Variants in SGCG observed in about 807,000 individuals in gnomAD.
SGCG encodes the protein gamma-sarcoglycan.
Under a neutral mutation model 29.3 loss-of-function variants are expected in SGCG, and 26 were observed. That is an observed-to-expected ratio of 0.89 (90% CI 0.65 to 1.23). The LOEUF (loss-of-function observed/expected upper bound fraction) is 1.23. Ranked by LOEUF, SGCG falls within the 50% of genes most tolerant of loss-of-function variation. The pLI is 0.00. For synonymous variants in SGCG, 145 were observed against 129.7 expected, an observed-to-expected ratio of 1.12 and a Z score of -0.80; for missense variants, 353 against 356.0, an observed-to-expected ratio of 0.99 and a Z score of 0.07.
rs565786786 is a variant in SGCG at position 23,197,854 on chromosome 13, G to C, written c.1-5841G>C. Among the ~76,000 whole-genome samples the C allele has an allele frequency of 2.6e-5, 4 of 152,050 alleles. No homozygotes were observed. The East Asian group carries it at 7.7e-4, about 29-fold the overall frequency. ...ACAAGTTCAATTGAAAACAGACACT[G>C]ACTCATGAACAGAATAAATTAATTC... On this transcript the variant is annotated intron_variant, in intron 1 of 7. Coordinates refer to ENST00000218867, the MANE Select transcript of SGCG (RefSeq NM_000231.3).
At chr13:23,299,673 T>G (rs967027341) in intron 6 of SGCG, among the ~76,000 whole-genome samples, 2 of 151,074 alleles carry the variant, frequency 1.3e-5, no homozygotes, top group Non-Finnish European at 3.0e-5. Flanking sequence ...AGGATGGTCT[T>G]GACCTCCTGA....
rs1201880104 is a variant in SGCG at position 23,250,680 on chromosome 13, C to T, written c.348C>T (p.Arg116=). The T allele has an allele frequency of 6.8e-6, 11 of 1,612,528 alleles. No individual in the cohort carries two copies. The South Asian group carries it at 9.9e-5, about 14-fold the overall frequency. Residue 116 remains arginine (R), a synonymous_variant, in exon 4 of 8, where the codon CGC becomes CGT. Transcript: ENST00000218867. ...CCCAGAATGTGACTGTAAATGCGCG[C>T]AACTCAGAAGGGGAGGTCACAGGCA... ...QSTQNVTVNA[R]NSEGEVTGRL...
chr13:23,250,684 T>C lies in SGCG; in HGVS notation c.352T>C (p.Ser118Pro), dbSNP rs766126721. 2.5e-6 allele frequency: 4 copies of C among 1,612,132 alleles called. No individual in the cohort carries two copies. The African/African-American group carries it at 5.3e-5, about 22-fold the overall frequency. Residue 118 changes from serine to proline, a missense_variant, in exon 4 of 8, where the codon TCA (serine) becomes CCA (proline). Physicochemically the swap from Ser to Pro is moderately conservative, Grantham distance 74 (BLOSUM62 -1). Coordinates refer to ENST00000218867, the MANE Select transcript of SGCG (RefSeq NM_000231.3). ...TQNVTVNARN[S>P]EGEVTGRLKV... is the part of the protein sequence containing the mutation. ...GAATGTGACTGTAAATGCGCGCAAC[T>C]CAGAAGGGGAGGTCACAGGCAGGTT...
chr13:23,199,107 C>CA (rs35004017), intron 1 of SGCG, among the ~76,000 whole-genome samples: 33,086 of 137,392 alleles, frequency 0.24, 3,833 homozygotes, highest in African/African-American at 0.3. Flanking sequence ...GACTCCGTCT[C>CA]AAAAAAAAAA....
upstream of SGCG, chr13:23,180,939 T>C (rs1015017073): frequency 1.3e-5 from 2 of 152,236 alleles, no homozygotes; most frequent in African/African-American, 2.4e-5. Context: ...TGAGAGCCCT[T>C]TCTCCAGGGA....
chr13:23,194,596 A>C (rs1877411595), intron 1 of SGCG, among the ~76,000 whole-genome samples: 1 of 152,204 alleles, frequency 6.6e-6, no homozygotes, highest in Non-Finnish European at 1.5e-5. Flanking sequence ...TTCTGATAGC[A>C]GAGGCCAGCT....
upstream of SGCG, among the ~76,000 whole-genome samples, chr13:23,177,907 T>C (rs1876612206): frequency 6.6e-6 from 1 of 152,032 alleles, no homozygotes; most frequent in Non-Finnish European, 1.5e-5. Context: ...AGTTAAATTA[T>C]AGTTCATCAG....
intron 1 of SGCG, among the ~76,000 whole-genome samples, chr13:23,188,949 G>A (rs575868886): frequency 2.6e-5 from 4 of 152,246 alleles, no homozygotes; most frequent in Admixed American, 2.0e-4. Flanking sequence ...CATTCTTTAC[G>A]ATACCTCTGG....
chr13:23,204,440 G>A (rs1041271387), intron 2 of SGCG, among the ~76,000 whole-genome samples: 3 of 151,800 alleles, frequency 2.0e-5, no homozygotes, highest in Non-Finnish European at 2.9e-5. Context: ...ATAATATTTT[G>A]TGTACTTTTG....
rs189442923 is a variant in SGCG, at chr13:23,279,253, G to A, written c.386-106G>A. 168 of 1,084,428 alleles carry A rather than the reference G, an allele frequency of 1.5e-4. No homozygotes were observed. The African/African-American group carries it at 2.2e-3, about 14-fold the overall frequency. 67.2% of individuals were successfully genotyped at this position (1,084,428 alleles called of 1,614,324 possible). Reference sequence around the variant, plus strand: ...TACCACTAATGGTAACAAATACCAAGTCTTTAGATACTTGGTATTGTAGGG... The same window carrying A: ...TACCACTAATGGTAACAAATACCAAATCTTTAGATACTTGGTATTGTAGGG... On this transcript the variant is annotated intron_variant, in intron 4 of 7. Transcript: ENST00000218867.
chr13:23,193,026 G>T (rs531919346), intron 1 of SGCG, among the ~76,000 whole-genome samples: 43 of 152,314 alleles, frequency 2.8e-4, no homozygotes, highest in African/African-American at 1.0e-3. Context: ...AACTTTGGAG[G>T]AAATGAACAG....
chr13:23,237,805 A>G (rs1406368933), intron 3 of SGCG, among the ~76,000 whole-genome samples: 4 of 152,082 alleles, frequency 2.6e-5, no homozygotes, highest in Non-Finnish European at 4.4e-5. Context: ...CATCTAAAAA[A>G]AAAAAAAAGC....
At chr13:23,212,942 T>C (rs566598271) in intron 2 of SGCG, among the ~76,000 whole-genome samples, 151 of 152,304 alleles carry the variant, frequency 9.9e-4, no homozygotes, top group African/African-American at 3.5e-3. Flanking sequence ...TCCTTTGTAA[T>C]GTTTTTTGCT....
At chr13:23,175,675 A>T in the SGCG span, among the ~76,000 whole-genome samples, 1 of 152,128 alleles carries the variant, frequency 6.6e-6, no homozygotes, top group Non-Finnish European at 1.5e-5. Context: ...TATTTATTAC[A>T]TATGAATTTC....
chr13:23,171,095 T>C, the SGCG span, among the ~76,000 whole-genome samples: 13 of 152,338 alleles, frequency 8.5e-5, no homozygotes, highest in Admixed American at 8.5e-4. Flanking sequence ...CTTTATCGTA[T>C]CAGGCATATC....
intron 2 of SGCG, among the ~76,000 whole-genome samples, chr13:23,217,956 T>C (rs1878495958): frequency 6.6e-6 from 1 of 152,028 alleles, no homozygotes. Context: ...GCCAAGAACA[T>C]ACTACCAGAA....
chr13:23,189,460 G>A (rs572629455), intron 1 of SGCG, among the ~76,000 whole-genome samples: 5 of 152,280 alleles, frequency 3.3e-5, no homozygotes, highest in African/African-American at 9.6e-5. Flanking sequence ...ACAGGCGTGA[G>A]CCACTGCGCC....
chr13:23,267,937 G>A (rs993400985), intron 4 of SGCG: 3 of 152,268 alleles, frequency 2.0e-5, no homozygotes, highest in African/African-American at 7.2e-5. Flanking sequence ...GCTGGAACAG[G>A]CTTTGGAAGT....
intron 2 of SGCG, among the ~76,000 whole-genome samples, chr13:23,204,445 C>G (rs779202421): frequency 1.3e-5 from 2 of 151,976 alleles, no homozygotes; most frequent in Non-Finnish European, 2.9e-5. Context: ...ATTTTGTGTA[C>G]TTTTGAAAAA....
Sources: gnomAD v4.1 joint callset for allele counts (sites outside exome capture counted in the v4.1 genomes callset) on GRCh38, gnomAD v4.1.1 for gene constraint, MANE v1.5 for transcripts, NCBI Gene and HGNC (gene_info 2026-07-23, HGNC 2026-07-21) for gene names.